The following EHD4 variants were observed in gnomAD, a reference collection of about 807,000 sequenced individuals.
EHD4 encodes EH domain-containing protein 4.
A neutral mutation model predicts 51.0 loss-of-function variants in EHD4; 37 were observed. The observed-to-expected ratio is 0.73, with a 90% CI of 0.56 to 0.95. EHD4 has a LOEUF of 0.95. Among genes scored for constraint, EHD4 ranks in the 40% least tolerant of loss-of-function variants. The pLI is 0.00. For missense variants in EHD4, 632 were observed against 733.1 expected, an observed-to-expected ratio of 0.86 and a Z score of 1.59; for synonymous variants, 297 against 317.3, an observed-to-expected ratio of 0.94 and a Z score of 0.68.
At chr15:41,951,829 G>C (rs1039593479) in intron 2 of EHD4, among the ~76,000 whole-genome samples, 3 of 152,184 alleles carry the variant, frequency 2.0e-5, no homozygotes, top group Admixed American at 2.0e-4. Context: ...CTCCCACAAT[G>C]AGACACTCTG....
At chr15:41,956,481 C>T (rs575236777) in intron 1 of EHD4, among the ~76,000 whole-genome samples, 1 of 152,302 alleles carries the variant, frequency 6.6e-6, no homozygotes, top group South Asian at 2.1e-4. Context: ...CATTCCTGTA[C>T]AAGTACAGCA....
intron 2 of EHD4, among the ~76,000 whole-genome samples, chr15:41,943,881 A>G (rs1177688062): frequency 1.3e-5 from 2 of 152,208 alleles, no homozygotes; most frequent in African/African-American, 2.4e-5. Context: ...GTGACACCCA[A>G]CATCCTCCAG....
At chr15:41,919,659 C>T (rs1478041189) in intron 3 of EHD4, 37 bp from the exon 4 acceptor site, 1 of 1,484,754 alleles carries the variant, frequency 6.7e-7, no homozygotes. Flanking sequence ...GTAGCCACTG[C>T]TGCAGGAGAC....
intron 4 of EHD4, among the ~76,000 whole-genome samples, chr15:41,918,758 T>A (rs992112650): frequency 1.3e-5 from 2 of 152,260 alleles, no homozygotes; most frequent in African/African-American, 4.8e-5. Flanking sequence ...AACACTGGCC[T>A]TTGGTGCACG....
At chr15:41,944,054 C>T (rs916654541) in intron 2 of EHD4, among the ~76,000 whole-genome samples, 1 of 152,324 alleles carries the variant, frequency 6.6e-6, no homozygotes, top group African/African-American at 2.4e-5. Context: ...TGTATCCACT[C>T]CACGGAAGCA....
Position 41,972,359 on chromosome 15 carries a change from G to A in EHD4, c.136C>T (p.His46Tyr). The A allele has an allele frequency of 6.2e-7, 1 of 1,611,342 alleles. No individual in the cohort carries two copies. Among genetic ancestry groups the A allele is most frequent in the Admixed American group, 1.7e-5 (1 of 59,836 alleles). The change falls in exon 1 of 6, where the codon CAC (histidine) becomes TAC (tyrosine). Residue 46 changes from histidine (H) to tyrosine (Y), a missense_variant. Physicochemically the swap from His to Tyr is moderately conservative, Grantham distance 83. Transcript: ENST00000220325. ...TCCAGCGCAGGCGAGTGGAACTCGTGGAAGCGGTACGCCTCCTCCAGCGGC... is the reference window on the plus strand; with the variant it reads ...TCCAGCGCAGGCGAGTGGAACTCGTAGAAGCGGTACGCCTCCTCCAGCGGC... ...VLPLEEAYRF[H>Y]EFHSPALEDA...
At chr15:41,909,360 C>G (rs1350388827) in intron 5 of EHD4, among the ~76,000 whole-genome samples, 2 of 152,244 alleles carry the variant, frequency 1.3e-5, no homozygotes, top group Non-Finnish European at 2.9e-5. Flanking sequence ...CAAGGTGACC[C>G]TGAAGGCCAC....
chr15:41,937,977 C>A (rs2067743273), intron 3 of EHD4, among the ~76,000 whole-genome samples: 1 of 152,046 alleles, frequency 6.6e-6, no homozygotes, highest in Non-Finnish European at 1.5e-5. Flanking sequence ...GGAAAGGGAC[C>A]CAAGCCTAAA....
chr15:41,956,053 C>A (rs914205456), intron 1 of EHD4, among the ~76,000 whole-genome samples: 1 of 152,170 alleles, frequency 6.6e-6, no homozygotes, highest in Non-Finnish European at 1.5e-5. Flanking sequence ...CCCAGCTCCC[C>A]GCAGCACACA....
intron 3 of EHD4, among the ~76,000 whole-genome samples, chr15:41,940,404 G>A (rs1004090406): frequency 7.9e-5 from 12 of 152,216 alleles, no homozygotes; most frequent in Admixed American, 3.3e-4. Context: ...ACGTGAGAAC[G>A]TGGCACTGTT....
intron 5 of EHD4, 144 bp downstream of exon 5, chr15:41,909,555 C>G: frequency 2.1e-6 from 2 of 969,208 alleles, no homozygotes; most frequent in East Asian, 4.8e-5. Context: ...TTATTCATAG[C>G]CTATTATCAT....
chr15:41,922,072 C>G (rs1012961650), intron 3 of EHD4, among the ~76,000 whole-genome samples: 1 of 152,214 alleles, frequency 6.6e-6, no homozygotes, highest in African/African-American at 2.4e-5. Context: ...TAGTTAGAAT[C>G]AGCTTCTTTG....
At position 41,972,350 on chromosome 15, in the gene EHD4, G is replaced by C; in HGVS notation, c.145C>G (p.His49Asp). ...LEEAYRFHEF[H>D]SPALEDADFE... Reference sequence around the variant, plus strand: ...TCGGCGTCCTCCAGCGCAGGCGAGTGGAACTCGTGGAAGCGGTACGCCTCC... The same window carrying C: ...TCGGCGTCCTCCAGCGCAGGCGAGTCGAACTCGTGGAAGCGGTACGCCTCC... Residue 49 changes from histidine (H) to aspartate (D), a missense_variant, in exon 1 of 6, where the codon CAC (histidine) becomes GAC (aspartate). Physicochemically the swap from His to Asp is moderately conservative, Grantham distance 81. Coordinates refer to ENST00000220325, the MANE Select transcript of EHD4 (RefSeq NM_139265.4). 1 of 1,611,398 alleles carries C rather than the reference G, an allele frequency of 6.2e-7. No homozygotes were observed.
intron 3 of EHD4, among the ~76,000 whole-genome samples, chr15:41,929,857 T>C (rs1267194301): frequency 6.6e-6 from 1 of 152,208 alleles, no homozygotes. Flanking sequence ...GTCTGTATAG[T>C]ACAGACACGA....
intron 3 of EHD4, among the ~76,000 whole-genome samples, chr15:41,937,118 T>C (rs1398987629): frequency 6.6e-6 from 1 of 152,222 alleles, no homozygotes; most frequent in East Asian, 1.9e-4. Flanking sequence ...TGTGGCTGCA[T>C]GTTCTATTCT....
intron 3 of EHD4, among the ~76,000 whole-genome samples, chr15:41,933,227 T>G (rs2067710491): frequency 6.6e-6 from 1 of 152,122 alleles, no homozygotes; most frequent in Non-Finnish European, 1.5e-5. Flanking sequence ...ACCACAGGCT[T>G]GTTTGGATGG....
At chr15:41,934,276 C>T (rs2067717677) in intron 3 of EHD4, among the ~76,000 whole-genome samples, 1 of 151,442 alleles carries the variant, frequency 6.6e-6, no homozygotes, top group Non-Finnish European at 1.5e-5. Flanking sequence ...CCTCTGGACC[C>T]TGCCCAGATG....
At chr15:41,927,221 T>C (rs1356172087) in intron 3 of EHD4, among the ~76,000 whole-genome samples, 3 of 152,220 alleles carry the variant, frequency 2.0e-5, no homozygotes, top group Non-Finnish European at 2.9e-5. Context: ...CTGAGCACAG[T>C]AGGTGTTCAA....
chr15:41,902,835 A>G (rs936771167), intron 5 of EHD4, among the ~76,000 whole-genome samples: 16 of 103,980 alleles, frequency 1.5e-4, no homozygotes, highest in South Asian at 6.4e-4. Flanking sequence ...ATATATATAC[A>G]TATGTATATA....
Sources: gnomAD v4.1 joint callset for allele counts (sites outside exome capture counted in the v4.1 genomes callset) on GRCh38, gnomAD v4.1.1 for gene constraint, MANE v1.5 for transcripts, NCBI Gene and HGNC (gene_info 2026-07-23, HGNC 2026-07-21) for gene names.